The following RUNX1T1 variants were observed in gnomAD, a reference collection of about 807,000 sequenced individuals.
The protein encoded by RUNX1T1 is protein CBFA2T1.
A neutral mutation model predicts 62.8 loss-of-function variants in RUNX1T1; 4 were observed. That is an observed-to-expected ratio of 0.06 (90% CI 0.03 to 0.15). The LOEUF is 0.15. Ranked by LOEUF, RUNX1T1 falls within the 10% of genes least tolerant of loss-of-function variation. The pLI is 1.00. For synonymous variants in RUNX1T1, 291 were observed against 286.0 expected (o/e 1.02, Z -0.18); for missense variants, 508 against 754.3 (o/e 0.67, Z 3.82).
chr8:92,077,131 T>C (rs1439471120), intron 1 of RUNX1T1, among the ~76,000 whole-genome samples: 1 of 152,100 alleles, frequency 6.6e-6, no homozygotes, highest in South Asian at 2.1e-4. Context: ...TTTTAAAAAA[T>C]CAATGTAGTT....
chr8:92,085,245 G>A (rs959045772), intron 1 of RUNX1T1, among the ~76,000 whole-genome samples: 1 of 152,182 alleles, frequency 6.6e-6, no homozygotes, highest in African/African-American at 2.4e-5. Flanking sequence ...CAGTCAACCT[G>A]GGCGACACAG....
intron 1 of RUNX1T1, among the ~76,000 whole-genome samples, chr8:92,097,840 C>A (rs1837857173): frequency 6.6e-6 from 1 of 152,120 alleles, no homozygotes; most frequent in Admixed American, 6.5e-5. Context: ...TGGGAAGAAT[C>A]CATGACTCTC....
chr8:92,062,433 C>G (rs1034447046), intron 1 of RUNX1T1: 5 of 1,200,598 alleles, frequency 4.2e-6, no homozygotes, highest in Non-Finnish European at 5.0e-6. Context: ...CAGCCTCTTC[C>G]TGCCCACATC....
At chr8:92,014,551 A>T in intron 3 of RUNX1T1, 28 bp downstream of exon 4, 1 of 1,568,528 alleles carries the variant, frequency 6.4e-7, no homozygotes. Context: ...TTACACCAAG[A>T]AAACTGGGTT....
intron 8 of RUNX1T1, among the ~76,000 whole-genome samples, chr8:91,980,186 T>C (rs1469626597): frequency 6.6e-6 from 1 of 152,216 alleles, no homozygotes; most frequent in South Asian, 2.1e-4. Flanking sequence ...TTTTAAAAGA[T>C]GGACATATTT....
intron 9 of RUNX1T1, among the ~76,000 whole-genome samples, chr8:91,972,904 T>C (rs1011187779): frequency 6.6e-6 from 1 of 152,090 alleles, no homozygotes; most frequent in African/African-American, 2.4e-5. Context: ...ATGTTAGATT[T>C]TTTCCAGTTT....
At chr8:91,975,954 A>T (rs1813832071) in exon 9 of RUNX1T1, 2 of 1,613,198 alleles carry the variant, frequency 1.2e-6, no homozygotes, top group East Asian at 2.2e-5. Flanking sequence ...CAGGCCTGTG[A>T]AGGAATTCCC....
At chr8:92,044,666 T>C (rs141865370) in intron 1 of RUNX1T1, among the ~76,000 whole-genome samples, 18 of 152,362 alleles carry the variant, frequency 1.2e-4, no homozygotes, top group African/African-American at 4.3e-4. Flanking sequence ...TCATCACCAC[T>C]ACTGCCTTTC....
intron 10 of RUNX1T1, among the ~76,000 whole-genome samples, chr8:91,964,808 G>A (rs73304089): frequency 0.029 from 4,386 of 152,222 alleles, 211 homozygotes; most frequent in African/African-American, 0.098. Context: ...TAAAGTCAGA[G>A]GCAGCAAAGA....
In RUNX1T1 at chr8:91,966,118, T is replaced by A. The variant is rs1178553955; in HGVS notation, c.1458+4540A>T. On this transcript the variant is annotated intron_variant, in intron 10 of 10. Coordinates refer to ENST00000396218, the Ensembl canonical transcript of RUNX1T1. ...AAACAGCTGGCATATATATATATAT[T>A]TATAAAATATATATATATAATTGTA... is the stretch of plus-strand genomic sequence containing the variant. Among the ~76,000 whole-genome samples, 6 of 144,252 alleles carry A rather than the reference T, an allele frequency of 4.2e-5. No homozygotes were observed. The South Asian group carries it at 8.4e-4, about 20-fold the overall frequency. The allele number at this position is 144,252 out of a possible 152,430, so 94.6% of individuals were successfully genotyped here. A position where few individuals can be genotyped will look rare whatever the true frequency, so the allele number is the denominator to read the frequency against.
chr8:92,065,124 T>C (rs1207982936), upstream of RUNX1T1, among the ~76,000 whole-genome samples: 1 of 152,074 alleles, frequency 6.6e-6, no homozygotes, highest in Non-Finnish European at 1.5e-5. Context: ...TAGGGAAACC[T>C]GGATATGTAG....
chr8:92,085,913 T>C (rs1345161694), intron 1 of RUNX1T1, among the ~76,000 whole-genome samples: 10 of 152,208 alleles, frequency 6.6e-5, no homozygotes, highest in African/African-American at 2.4e-4. Context: ...TTAAAAAAAG[T>C]ATGGCTCAGC....
chr8:92,036,405 A>C (rs1046538707), intron 1 of RUNX1T1, among the ~76,000 whole-genome samples: 1 of 152,236 alleles, frequency 6.6e-6, no homozygotes. Flanking sequence ...GGATATATCC[A>C]AAACCATTCC....
At chr8:91,986,853 A>AT (rs774365533) in intron 7 of RUNX1T1, 34 bp downstream of exon 8, 12 of 1,419,622 alleles carry the variant, frequency 8.5e-6, no homozygotes, top group Non-Finnish European at 1.2e-5. Context: ...TTTTCCAAAC[A>AT]TTTTTTAATC....
At chr8:92,030,710 G>C (rs1245010378) in intron 1 of RUNX1T1, among the ~76,000 whole-genome samples, 1 of 152,088 alleles carries the variant, frequency 6.6e-6, no homozygotes, top group Non-Finnish European at 1.5e-5. Context: ...GGTGCCCTTT[G>C]ATCTGTTTAG....
intron 1 of RUNX1T1, among the ~76,000 whole-genome samples, chr8:92,060,547 A>ATGTGTGTGTG (rs1394920440): frequency 2.8e-4 from 29 of 102,792 alleles, no homozygotes; most frequent in African/African-American, 9.4e-4. Flanking sequence ...ATATATATAT[A>ATGTGTGTGTG]TATATATGTG....
chr8:92,051,418 T>C (rs902626720), intron 1 of RUNX1T1, among the ~76,000 whole-genome samples: 6 of 152,092 alleles, frequency 3.9e-5, no homozygotes, highest in African/African-American at 1.2e-4. Flanking sequence ...AAGTAGTACA[T>C]GGTTTCAAAT....
At chr8:92,051,247 A>G (rs1830183888) in intron 1 of RUNX1T1, among the ~76,000 whole-genome samples, 1 of 152,130 alleles carries the variant, frequency 6.6e-6, no homozygotes, top group African/African-American at 2.4e-5. Flanking sequence ...AGCTCAATAA[A>G]TAAATATTTG....
chr8:92,081,848 CTT>C (rs1166833687), intron 1 of RUNX1T1, among the ~76,000 whole-genome samples: 3 of 152,016 alleles, frequency 2.0e-5, no homozygotes, highest in Admixed American at 6.6e-5. Context: ...CCCTTTGTCT[CTT>C]GTCTCTCAGA....
Sources: gnomAD v4.1 joint callset for allele counts (sites outside exome capture counted in the v4.1 genomes callset) on GRCh38, gnomAD v4.1.1 for gene constraint, MANE v1.5 for transcripts, NCBI Gene and HGNC (gene_info 2026-07-23, HGNC 2026-07-21) for gene names.